Variants in PPP2R3A observed in about 807,000 individuals in gnomAD.
The protein encoded by PPP2R3A is serine/threonine-protein phosphatase 2A regulatory subunit B'' subunit alpha.
A neutral mutation model predicts 106.9 loss-of-function variants in PPP2R3A; 80 were observed. The ratio of observed to expected loss-of-function variants is 0.75; its 90% confidence interval spans 0.62 to 0.90. The LOEUF is 0.90. Ranked by LOEUF, PPP2R3A falls within the 40% of genes least tolerant of loss-of-function variation. The pLI, the probability that PPP2R3A is intolerant of heterozygous loss-of-function variation, is 0.00. For missense variants in PPP2R3A, 1,386 were observed against 1,350.4 expected (o/e 1.03, Z -0.41); for synonymous variants, 483 against 468.3 (o/e 1.03, Z -0.41).
intron 1 of PPP2R3A, among the ~76,000 whole-genome samples, chr3:135,985,788 G>A (rs1424723597): frequency 6.6e-6 from 1 of 152,054 alleles, no homozygotes; most frequent in Non-Finnish European, 1.5e-5. Context: ...AATGTTGTGG[G>A]AAAAAAAGAT....
At chr3:136,015,896 C>T (rs558628447) in intron 2 of PPP2R3A, among the ~76,000 whole-genome samples, 8 of 151,796 alleles carry the variant, frequency 5.3e-5, no homozygotes, top group Non-Finnish European at 1.0e-4. Context: ...TAGTTCCTTG[C>T]GGTATGACCT....
At chr3:136,092,422 C>G (rs1331650478) in intron 10 of PPP2R3A, among the ~76,000 whole-genome samples, 1 of 152,174 alleles carries the variant, frequency 6.6e-6, no homozygotes, top group African/African-American at 2.4e-5. Context: ...CCAAACTGAT[C>G]TACAGATTCC....
rs150113024 is a variant in PPP2R3A, at chr3:135,967,839, G to A, written c.-441+1990G>A. Among the ~76,000 whole-genome samples the A allele has an allele frequency of 3.0e-3, 462 of 152,284 alleles. 3 individuals carry two copies. Among genetic ancestry groups the A allele is most frequent in the African/African-American group, 0.011 (452 of 41,554 alleles). ...AGAGTTTCTCATTTGTAGTTCTGTT[G>A]ACATTTTAGGCCAGGTAATTTCTAG... is the stretch of plus-strand genomic sequence containing the variant. On this transcript the variant is annotated intron_variant, in intron 1 of 13. Coordinates refer to ENST00000264977, the MANE Select transcript of PPP2R3A (RefSeq NM_002718.5).
intron 3 of PPP2R3A, among the ~76,000 whole-genome samples, chr3:136,040,628 CAT>C (rs1397497879): frequency 2.6e-5 from 4 of 152,200 alleles, no homozygotes; most frequent in African/African-American, 9.6e-5. Context: ...TTGGAGAAAA[CAT>C]AAATGAATTT....
intron 1 of PPP2R3A, among the ~76,000 whole-genome samples, chr3:135,968,089 T>C (rs1204035272): frequency 6.6e-6 from 1 of 152,186 alleles, no homozygotes; most frequent in Non-Finnish European, 1.5e-5. Context: ...CCTCATTTGC[T>C]TAGGTGTTTA....
At chr3:136,060,816 C>T (rs975067095) in intron 5 of PPP2R3A, among the ~76,000 whole-genome samples, 24 of 152,102 alleles carry the variant, frequency 1.6e-4, no homozygotes, top group Non-Finnish European at 3.1e-4. Context: ...TTCAAGAGAT[C>T]TATCATACAA....
chr3:136,056,268 T>C (rs1935856506), intron 5 of PPP2R3A, among the ~76,000 whole-genome samples: 1 of 152,138 alleles, frequency 6.6e-6, no homozygotes, highest in Non-Finnish European at 1.5e-5. Flanking sequence ...ATGACCTGGA[T>C]AGAACACTGG....
At chr3:136,138,990 G>A (rs1938742008) in intron 13 of PPP2R3A, among the ~76,000 whole-genome samples, 1 of 152,016 alleles carries the variant, frequency 6.6e-6, no homozygotes, top group Non-Finnish European at 1.5e-5. Flanking sequence ...TGGGATTACA[G>A]GCATGAGTCA....
chr3:136,116,349 A>G (rs1937761275), intron 13 of PPP2R3A, among the ~76,000 whole-genome samples: 1 of 152,212 alleles, frequency 6.6e-6, no homozygotes, highest in Non-Finnish European at 1.5e-5. Context: ...GGACAAAATA[A>G]CTAGCTAGCA....
intron 8 of PPP2R3A, among the ~76,000 whole-genome samples, chr3:136,083,471 T>C (rs1232958536): frequency 6.6e-6 from 1 of 152,178 alleles, no homozygotes; most frequent in African/African-American, 2.4e-5. Context: ...TGTGAGGCCT[T>C]CTCAGCCATG....
intron 13 of PPP2R3A, among the ~76,000 whole-genome samples, chr3:136,109,797 T>C (rs566469360): frequency 6.6e-5 from 10 of 152,230 alleles, no homozygotes; most frequent in African/African-American, 2.4e-4. Flanking sequence ...AGCGGGCCAC[T>C]AAAAGAAGGA....
At chr3:136,057,076 C>CG (rs935977920) in intron 5 of PPP2R3A, among the ~76,000 whole-genome samples, 5 of 136,914 alleles carry the variant, frequency 3.7e-5, no homozygotes, top group South Asian at 2.3e-4. Flanking sequence ...AGGACCCCCC[C>CG]CACACACACC....
chr3:136,105,247 T>C (rs1236010437), intron 12 of PPP2R3A, among the ~76,000 whole-genome samples: 1 of 152,188 alleles, frequency 6.6e-6, no homozygotes, highest in African/African-American at 2.4e-5. Flanking sequence ...GGCGGGCCTG[T>C]GGCAAACCAC....
At chr3:136,103,170 C>A in intron 11 of PPP2R3A, 88 bp from the exon 12 acceptor site, 3 of 702,352 alleles carry the variant, frequency 4.3e-6, no homozygotes, top group South Asian at 2.2e-5. Context: ...TAAACATATA[C>A]CTATACTTTT....
chr3:136,133,776 G>T (rs1938505600), intron 13 of PPP2R3A, among the ~76,000 whole-genome samples: 1 of 146,850 alleles, frequency 6.8e-6, no homozygotes, highest in Non-Finnish European at 1.5e-5. Flanking sequence ...AAATAAATAT[G>T]TATATATATA....
chr3:136,079,554 G>A (rs6771887), intron 7 of PPP2R3A, among the ~76,000 whole-genome samples: 13,199 of 151,630 alleles, frequency 0.087, 760 homozygotes, highest in African/African-American at 0.16. Flanking sequence ...GACTACAGGC[G>A]TGTGCCACCA....
At position 136,145,350 on chromosome 3, in the gene PPP2R3A, A is replaced by G. The variant is rs1056206776; in HGVS notation, c.*184A>G. 8 of 680,492 alleles carry G rather than the reference A, an allele frequency of 1.2e-5. No homozygotes were observed. Among genetic ancestry groups the G allele is most frequent in the Admixed American group, 3.9e-5 (1 of 25,600 alleles). The allele number at this position is 680,492 out of a possible 1,614,324, so 42.2% of individuals were successfully genotyped here. ...ACATTTAACTTAGGAGGCTCCTCCA[A>G]TTTGCCTCAAACCTCTTACGGAGCT... On this transcript the variant is annotated 3_prime_UTR_variant, in exon 14 of 14. Coordinates refer to ENST00000264977, the MANE Select transcript of PPP2R3A (RefSeq NM_002718.5).
chr3:136,007,708 T>G (rs1933898672), intron 2 of PPP2R3A, among the ~76,000 whole-genome samples: 2 of 152,238 alleles, frequency 1.3e-5, no homozygotes, highest in African/African-American at 4.8e-5. Flanking sequence ...ATACAAGCTC[T>G]TTGTTTAAAT....
chr3:136,078,460 C>T lies in PPP2R3A; in HGVS notation c.2631+7C>T, dbSNP rs937580217. The T allele has an allele frequency of 3.2e-6, 5 of 1,543,352 alleles. No homozygotes were observed. The highest frequency in any genetic ancestry group is 4.5e-5 in the East Asian group (2 of 44,426). ...AAAAAGCAACTTTTTGCAAGTATGC[C>T]TTTCATTAGAATTCATGTGTAATGA... is the stretch of plus-strand genomic sequence containing the variant. On this transcript the variant is annotated splice_region_variant and intron_variant, in intron 7 of 13. Transcript: ENST00000264977.
Sources: gnomAD v4.1 joint callset for allele counts (sites outside exome capture counted in the v4.1 genomes callset) on GRCh38, gnomAD v4.1.1 for gene constraint, MANE v1.5 for transcripts, NCBI Gene and HGNC (gene_info 2026-07-23, HGNC 2026-07-21) for gene names.